The following DYTN variants were observed in gnomAD, a reference collection of about 807,000 sequenced individuals.
DYTN encodes the protein dystrotelin.
In DYTN, 75 loss-of-function variants were observed where a neutral mutation model predicts 69.6. The observed-to-expected ratio is 1.08, with a 90% CI of 0.89 to 1.31. The LOEUF (loss-of-function observed/expected upper bound fraction) is 1.31. Ranked by LOEUF, DYTN falls within the 50% of genes most tolerant of loss-of-function variation. The pLI, the probability that DYTN is intolerant of heterozygous loss-of-function variation, is 0.00. For missense variants in DYTN, 726 were observed against 688.4 expected, an observed-to-expected ratio of 1.05 and a Z score of -0.61; for synonymous variants, 252 against 249.1, an observed-to-expected ratio of 1.01 and a Z score of -0.11.
intron 9 of DYTN, among the ~76,000 whole-genome samples, 152 bp downstream of exon 9, chr2:206,693,023 T>C (rs759736430): frequency 6.6e-5 from 10 of 152,132 alleles, no homozygotes; most frequent in Non-Finnish European, 1.3e-4. Flanking sequence ...AGGCCCTTTT[T>C]AGAGGAAAAA....
At chr2:206,705,226 A>G (rs969818346) in intron 4 of DYTN, among the ~76,000 whole-genome samples, 5 of 152,200 alleles carry the variant, frequency 3.3e-5, no homozygotes, top group Middle Eastern at 6.3e-3. Context: ...CCTTCAGAGT[A>G]GCTGGGATTA....
intron 1 of DYTN, among the ~76,000 whole-genome samples, chr2:206,715,502 A>G (rs1700118186): frequency 6.6e-6 from 1 of 152,112 alleles, no homozygotes; most frequent in Non-Finnish European, 1.5e-5. Context: ...GGGAAGAAAT[A>G]TGGGTGCAGG....
At chr2:206,666,342 T>C (rs1250643383) in intron 9 of DYTN, among the ~76,000 whole-genome samples, 1 of 152,206 alleles carries the variant, frequency 6.6e-6, no homozygotes, top group Non-Finnish European at 1.5e-5. Context: ...CCTCAACTGT[T>C]ATCTCACATT....
At chr2:206,654,036 C>T (rs1699418183) in intron 11 of DYTN, among the ~76,000 whole-genome samples, 1 of 152,222 alleles carries the variant, frequency 6.6e-6, no homozygotes, top group South Asian at 2.1e-4. Flanking sequence ...AAGCACAGTG[C>T]TTGGCACACA....
Position 206,705,892 on chromosome 2 carries a change from C to T in DYTN, c.297-19G>A, listed in dbSNP as rs746241099. 5.6e-6 allele frequency: 9 copies of T among 1,612,138 alleles called. No homozygotes were observed. Among genetic ancestry groups the T allele is most frequent in the Non-Finnish European group, 6.8e-6 (8 of 1,179,056 alleles). On this transcript the variant is annotated intron_variant, in intron 3 of 11. Transcript: ENST00000452335. ...TCCTTTGCTGCACAGTAACAAAATA[C>T]AGAGACAAGAATGGGAAGGCCAGGG...
At chr2:206,682,513 G>A (rs897639888) in intron 9 of DYTN, among the ~76,000 whole-genome samples, 1 of 151,806 alleles carries the variant, frequency 6.6e-6, no homozygotes, top group Non-Finnish European at 1.5e-5. Flanking sequence ...TCCCTTTCTG[G>A]TTTTTCTTCT....
intron 9 of DYTN, among the ~76,000 whole-genome samples, chr2:206,666,343 A>G (rs1016660447): frequency 1.3e-5 from 2 of 152,166 alleles, no homozygotes; most frequent in South Asian, 4.1e-4. Flanking sequence ...CTCAACTGTT[A>G]TCTCACATTG....
At chr2:206,653,443 A>G (rs1202737520) in intron 11 of DYTN, among the ~76,000 whole-genome samples, 1 of 152,218 alleles carries the variant, frequency 6.6e-6, no homozygotes, top group Admixed American at 6.5e-5. Context: ...GAGATGTTAG[A>G]TGGAACACTT....
intron 11 of DYTN, among the ~76,000 whole-genome samples, chr2:206,659,621 T>C (rs984167922): frequency 6.6e-6 from 1 of 152,124 alleles, no homozygotes; most frequent in Non-Finnish European, 1.5e-5. Flanking sequence ...TTCCACATCT[T>C]CATCCATGTG....
intron 10 of DYTN, among the ~76,000 whole-genome samples, chr2:206,665,632 C>CAT (rs1699562199): frequency 6.6e-6 from 1 of 151,878 alleles, no homozygotes; most frequent in Non-Finnish European, 1.5e-5. Context: ...TATAAAGAAT[C>CAT]ACTTTGCCCC....
intron 9 of DYTN, among the ~76,000 whole-genome samples, chr2:206,666,691 G>T (rs1322215267): frequency 2.0e-5 from 3 of 151,874 alleles, no homozygotes; most frequent in Non-Finnish European, 2.9e-5. Context: ...GTTGTTCATT[G>T]GTTTAAGAAT....
chr2:206,660,866 T>C (rs573862336), intron 11 of DYTN, among the ~76,000 whole-genome samples: 49 of 152,320 alleles, frequency 3.2e-4, no homozygotes, highest in African/African-American at 1.2e-3. Flanking sequence ...TATTATGTAC[T>C]CGGTTTATAG....
At chr2:206,682,018 G>C (rs2105894066) in intron 9 of DYTN, among the ~76,000 whole-genome samples, 1 of 152,138 alleles carries the variant, frequency 6.6e-6, no homozygotes, top group South Asian at 2.1e-4. Flanking sequence ...GACTTTTTTT[G>C]GTTGGTAGGC....
At chr2:206,655,796 G>GT (rs1284184322) in intron 11 of DYTN, among the ~76,000 whole-genome samples, 1 of 151,908 alleles carries the variant, frequency 6.6e-6, no homozygotes. Flanking sequence ...ACATTTTTTA[G>GT]TTTTCCTTCT....
intron 5 of DYTN, among the ~76,000 whole-genome samples, chr2:206,702,026 G>A (rs968621664): frequency 1.3e-5 from 2 of 152,168 alleles, no homozygotes; most frequent in Non-Finnish European, 2.9e-5. Flanking sequence ...CTCACTCCAG[G>A]ACTCTTACTC....
chr2:206,668,890 C>T (rs1194759029), intron 9 of DYTN, among the ~76,000 whole-genome samples: 2 of 152,142 alleles, frequency 1.3e-5, no homozygotes, highest in African/African-American at 2.4e-5. Context: ...GCGTTTCCCC[C>T]GCTTGTCCTC....
chr2:206,681,591 G>A (rs1414033099), intron 9 of DYTN, among the ~76,000 whole-genome samples: 2 of 152,144 alleles, frequency 1.3e-5, no homozygotes, highest in Non-Finnish European at 2.9e-5. Flanking sequence ...ATGAAGGGAT[G>A]TTGAATTTTA....
At chr2:206,655,861 T>C (rs1037305732) in intron 11 of DYTN, among the ~76,000 whole-genome samples, 1 of 152,222 alleles carries the variant, frequency 6.6e-6, no homozygotes, top group African/African-American at 2.4e-5. Context: ...TTGGCATGAT[T>C]TCAATGTTCT....
chr2:206,665,734 G>T, intron 10 of DYTN, 136 bp downstream of exon 10: 2 of 981,182 alleles, frequency 2.0e-6, no homozygotes, highest in East Asian at 2.7e-5. Context: ...ATGAGGAAAT[G>T]GGAGGTCAGG....
Sources: allele counts gnomAD v4.1 joint callset (sites outside exome capture counted in the v4.1 genomes callset), GRCh38; gene constraint gnomAD v4.1.1; transcripts MANE v1.5; gene names NCBI Gene and HGNC (gene_info 2026-07-23, HGNC 2026-07-21).